The following HS3ST3B1 variants were observed in gnomAD, a reference collection of about 807,000 sequenced individuals.
HS3ST3B1 encodes the protein heparan sulfate-glucosamine 3-sulfotransferase 3B1.
A neutral mutation model predicts 21.3 loss-of-function variants in HS3ST3B1; 13 were observed. The ratio of observed to expected loss-of-function variants is 0.61; its 90% CI spans 0.40 to 0.97. The LOEUF is 0.97. Among genes scored for constraint, HS3ST3B1 ranks in the 50% least tolerant of loss-of-function variants. The probability of loss-of-function intolerance (pLI) is 0.00; values close to 1 mark genes in which losing one functional copy is unlikely to be tolerated. For missense variants in HS3ST3B1, 459 were observed against 554.8 expected, an observed-to-expected ratio of 0.83 and a Z score of 1.73; for synonymous variants, 234 against 254.8, an observed-to-expected ratio of 0.92 and a Z score of 0.78.
At chr17:14,313,124 G>GTGTGTGTATATATATATATATA (rs1909380909) in intron 1 of HS3ST3B1, among the ~76,000 whole-genome samples, 5 of 128,792 alleles carry the variant, frequency 3.9e-5, no homozygotes, top group African/African-American at 1.6e-4. Flanking sequence ...ATATATATAT[G>GTGTGTGTATATATATATATATA]TGTGTGTGTG....
At chr17:14,314,066 G>A (rs991209866) in intron 1 of HS3ST3B1, among the ~76,000 whole-genome samples, 8 of 151,814 alleles carry the variant, frequency 5.3e-5, no homozygotes, top group South Asian at 2.1e-4. Context: ...CGCAACCTCC[G>A]CCTCCCGGGT....
chr17:14,314,167 C>T (rs1909425297), intron 1 of HS3ST3B1, among the ~76,000 whole-genome samples: 1 of 151,850 alleles, frequency 6.6e-6, no homozygotes, highest in Admixed American at 6.6e-5. Flanking sequence ...TTAGTAGAGA[C>T]AGGGTTTCTC....
chr17:14,336,101 T>G (rs930734051), intron 1 of HS3ST3B1, among the ~76,000 whole-genome samples: 1 of 152,214 alleles, frequency 6.6e-6, no homozygotes, highest in African/African-American at 2.4e-5. Flanking sequence ...AATGTTTCCC[T>G]TGCTCTTCCC....
At chr17:14,335,202 C>A (rs965684593) in intron 1 of HS3ST3B1, among the ~76,000 whole-genome samples, 1 of 152,024 alleles carries the variant, frequency 6.6e-6, no homozygotes, top group African/African-American at 2.4e-5. Context: ...CCCAGAAAAG[C>A]TGAAGCTCTT....
At chr17:14,318,215 G>A (rs980079921) in intron 1 of HS3ST3B1, among the ~76,000 whole-genome samples, 8 of 152,160 alleles carry the variant, frequency 5.3e-5, no homozygotes, top group African/African-American at 9.7e-5. Flanking sequence ...TCTCCAGCCC[G>A]ATGGTGTGGA....
intron 1 of HS3ST3B1, among the ~76,000 whole-genome samples, chr17:14,323,073 T>C (rs1427662931): frequency 6.6e-6 from 1 of 151,942 alleles, no homozygotes; most frequent in Non-Finnish European, 1.5e-5. Flanking sequence ...GCCCGGCTAA[T>C]TTTTTTGTAT....
chr17:14,331,615 T>TA (rs1365985653), intron 1 of HS3ST3B1, among the ~76,000 whole-genome samples: 1 of 152,046 alleles, frequency 6.6e-6, no homozygotes, highest in African/African-American at 2.4e-5. Context: ...CCATTACCTT[T>TA]AAAACATTTA....
Position 14,301,200 on chromosome 17 carries a change from G to A in HS3ST3B1, c.-319G>A, listed in dbSNP as rs1908901755. 2 of 407,606 alleles carry A rather than the reference G, an allele frequency of 4.9e-6. No individual in the cohort carries two copies. The highest frequency in any genetic ancestry group is 2.1e-5 in the African/African-American group (1 of 46,828). 25.2% of individuals were successfully genotyped at this position (407,606 alleles called of 1,614,324 possible). A position where few individuals can be genotyped will look rare whatever the true frequency, so the allele number is the denominator to read the frequency against. ...GCGCACAGTCTAGAGTGGCCAGGGC[G>A]CGAGAGTGCAACGTCCTCCTGGCCC... On this transcript the variant is annotated 5_prime_UTR_variant, in exon 1 of 2. Coordinates refer to ENST00000360954, the MANE Select transcript of HS3ST3B1 (RefSeq NM_006041.3).
chr17:14,313,749 T>C (rs1909410446), intron 1 of HS3ST3B1, among the ~76,000 whole-genome samples: 1 of 151,704 alleles, frequency 6.6e-6, no homozygotes, highest in African/African-American at 2.4e-5. Flanking sequence ...TTTGTATTTT[T>C]AGTAGAGGCG....
chr17:14,319,904 G>A (rs1414557228), intron 1 of HS3ST3B1, among the ~76,000 whole-genome samples: 1 of 152,058 alleles, frequency 6.6e-6, no homozygotes, highest in Admixed American at 6.6e-5. Flanking sequence ...TGTACCCAAT[G>A]TTTAGTCTTT....
At chr17:14,306,652 C>A (rs1205087470) in intron 1 of HS3ST3B1, among the ~76,000 whole-genome samples, 1 of 152,114 alleles carries the variant, frequency 6.6e-6, no homozygotes, top group African/African-American at 2.4e-5. Flanking sequence ...AACAAAATTG[C>A]CTCCTATTTT....
intron 1 of HS3ST3B1, among the ~76,000 whole-genome samples, chr17:14,326,195 A>G (rs1019517238): frequency 6.6e-6 from 1 of 152,216 alleles, no homozygotes; most frequent in African/African-American, 2.4e-5. Flanking sequence ...AAGAAACCTC[A>G]TGATCCACTG....
At position 14,348,940 on chromosome 17, in the gene HS3ST3B1, T is replaced by C. The variant is rs1910650601; in HGVS notation, c.*3294T>C. The C allele has an allele frequency of 6.6e-6, 1 of 152,200 alleles. No homozygotes were observed. Among genetic ancestry groups the C allele is most frequent in the Admixed American group, 6.5e-5 (1 of 15,278 alleles). 9.4% of individuals were successfully genotyped at this position (152,200 alleles called of 1,614,324 possible). ...AGAAATTGTTTTCTTCCCAGGATTC[T>C]CTTTGGGGGTCATTTTGTGTGACAG... On this transcript the variant is annotated 3_prime_UTR_variant, in exon 2 of 2. Coordinates refer to ENST00000360954, the MANE Select transcript of HS3ST3B1 (RefSeq NM_006041.3).
At chr17:14,316,728 T>A (rs772088468) in intron 1 of HS3ST3B1, among the ~76,000 whole-genome samples, 8 of 152,230 alleles carry the variant, frequency 5.3e-5, no homozygotes, top group Non-Finnish European at 1.2e-4. Context: ...TTTCCCCCTT[T>A]TGTGTGGCCA....
chr17:14,310,143 G>A (rs1025036936), intron 1 of HS3ST3B1, among the ~76,000 whole-genome samples: 1 of 152,146 alleles, frequency 6.6e-6, no homozygotes, highest in East Asian at 1.9e-4. Context: ...AGAGAAAGTG[G>A]GAAGGACTGG....
intron 1 of HS3ST3B1, among the ~76,000 whole-genome samples, chr17:14,340,033 C>T (rs867411606): frequency 6.6e-6 from 1 of 152,248 alleles, no homozygotes; most frequent in Middle Eastern, 3.4e-3. Context: ...AGAAGAAGAG[C>T]AGCCAAAGGG....
chr17:14,340,972 A>G (rs1910360435), intron 1 of HS3ST3B1, among the ~76,000 whole-genome samples: 1 of 152,186 alleles, frequency 6.6e-6, no homozygotes. Flanking sequence ...ACAATAATCA[A>G]AATAAATTCT....
chr17:14,326,921 CAAAAAAAAAAA>C (rs60800866), intron 1 of HS3ST3B1, among the ~76,000 whole-genome samples: 1 of 60,484 alleles, frequency 1.7e-5, no homozygotes, highest in Non-Finnish European at 3.6e-5. Flanking sequence ...AACTCTGTCT[CAAAAAAAAAAA>C]AAAAAAAAAA....
intron 1 of HS3ST3B1, among the ~76,000 whole-genome samples, chr17:14,340,872 C>T (rs1462694203): frequency 3.3e-5 from 5 of 152,168 alleles, no homozygotes; most frequent in Non-Finnish European, 7.3e-5. Flanking sequence ...CGTGAGCCAC[C>T]AAGCCCGGCT....
Sources: allele counts gnomAD v4.1 joint callset (sites outside exome capture counted in the v4.1 genomes callset), GRCh38; gene constraint gnomAD v4.1.1; transcripts MANE v1.5; gene names NCBI Gene and HGNC (gene_info 2026-07-23, HGNC 2026-07-21).